Variants in C12orf42 observed in about 807,000 individuals in gnomAD.
C12orf42 encodes the protein uncharacterized protein C12orf42.
C12orf42 carries 25 observed loss-of-function variants against 21.6 expected under a neutral mutation model. That is an observed-to-expected ratio of 1.16 (90% CI 0.84 to 1.62). The LOEUF (loss-of-function observed/expected upper bound fraction) is 1.62, where lower values mean the gene tolerates loss of function less well. Among genes scored for constraint, C12orf42 ranks in the 40% most tolerant of loss-of-function variants. The probability of loss-of-function intolerance (pLI) is 0.00; values close to 1 mark genes in which losing one functional copy is unlikely to be tolerated. For missense variants in C12orf42, 483 were observed against 459.3 expected (o/e 1.05, Z -0.47); for synonymous variants, 174 against 175.0 (o/e 0.99, Z 0.05).
the C12orf42 span, among the ~76,000 whole-genome samples, chr12:103,546,621 G>GA: frequency 4.6e-5 from 7 of 152,060 alleles, no homozygotes; most frequent in South Asian, 1.2e-3. Flanking sequence ...AGTCATTGTA[G>GA]AAAAAAAATG....
At chr12:103,064,413 G>T in the C12orf42 span, among the ~76,000 whole-genome samples, 1 of 152,230 alleles carries the variant, frequency 6.6e-6, no homozygotes, top group Non-Finnish European at 1.5e-5. Flanking sequence ...AGCCTGACCT[G>T]TGTAGAGTTC....
the C12orf42 span, among the ~76,000 whole-genome samples, chr12:103,530,333 C>T: frequency 1.3e-5 from 2 of 152,168 alleles, no homozygotes; most frequent in Admixed American, 6.5e-5. Flanking sequence ...TCTGCAAAGG[C>T]GGTGGCGTGT....
At chr12:103,358,467 A>C (rs1359104292) in intron 4 of C12orf42, among the ~76,000 whole-genome samples, 2 of 151,204 alleles carry the variant, frequency 1.3e-5, no homozygotes, top group African/African-American at 4.9e-5. Flanking sequence ...ATCTCCAAAA[A>C]CCCCCCAGAC....
intron 4 of C12orf42, among the ~76,000 whole-genome samples, chr12:103,314,345 G>A (rs1450772546): frequency 6.6e-6 from 1 of 152,150 alleles, no homozygotes; most frequent in Admixed American, 6.5e-5. Flanking sequence ...CCCAGTGAAA[G>A]GTGATGGCAA....
the C12orf42 span, among the ~76,000 whole-genome samples, chr12:103,100,423 T>G: frequency 6.6e-6 from 1 of 152,216 alleles, no homozygotes; most frequent in African/African-American, 2.4e-5. Flanking sequence ...TCACAACAAC[T>G]GAGCAGAAAC....
intron 2 of C12orf42, among the ~76,000 whole-genome samples, chr12:103,440,610 C>A (rs1293142370): frequency 6.6e-6 from 1 of 152,030 alleles, no homozygotes; most frequent in Non-Finnish European, 1.5e-5. Context: ...TTTATGTGCA[C>A]TACAAATCCA....
At chr12:103,313,560 T>A (rs2039170866) in intron 4 of C12orf42, among the ~76,000 whole-genome samples, 1 of 152,238 alleles carries the variant, frequency 6.6e-6, no homozygotes, top group African/African-American at 2.4e-5. Flanking sequence ...TGCCTCAGTT[T>A]TCCCATTCAT....
chr12:103,193,817 C>T, the C12orf42 span, among the ~76,000 whole-genome samples: 1 of 152,004 alleles, frequency 6.6e-6, no homozygotes, highest in African/African-American at 2.4e-5. Context: ...GGAATACTTC[C>T]AAACTCTTTT....
chr12:103,339,535 A>G (rs578145137), intron 4 of C12orf42, among the ~76,000 whole-genome samples: 2 of 152,386 alleles, frequency 1.3e-5, no homozygotes, highest in South Asian at 2.1e-4. Context: ...GACAAAGGAC[A>G]TGAACAGATA....
the C12orf42 span, among the ~76,000 whole-genome samples, chr12:103,214,448 T>C: frequency 6.6e-6 from 1 of 152,190 alleles, no homozygotes; most frequent in African/African-American, 2.4e-5. Flanking sequence ...ATGCAGTTTC[T>C]ACTGACTGGG....
rs777914047 is a variant in C12orf42, at chr12:103,306,177, A to T, written c.428T>A (p.Ile143Asn). The change falls in exon 5 of 6, where the codon ATT becomes AAT. Residue 143 changes from isoleucine (I) to asparagine (N), a missense_variant. Physicochemically the swap from Ile to Asn is moderately radical, Grantham distance 149 (BLOSUM62 -3). Transcript: ENST00000548883. ...PSSETDEAPL[I>N]FTARGETEER... is the part of the protein sequence containing the mutation. ...CTCAGTTTCTCCTCTGGCAGTAAAA[A>T]TCAATGGGGCCTCATCAGTTTCACT... 30 of 1,613,812 alleles carry T rather than the reference A, an allele frequency of 1.9e-5. No individual in the cohort carries two copies. Among genetic ancestry groups the T allele is most frequent in the Admixed American group, 1.8e-4 (11 of 59,946 alleles).
the C12orf42 span, among the ~76,000 whole-genome samples, chr12:103,555,419 A>C: frequency 6.6e-6 from 1 of 152,066 alleles, no homozygotes; most frequent in Non-Finnish European, 1.5e-5. Context: ...CCCATGATTC[A>C]ATTACCTCCC....
At chr12:103,185,725 G>T in the C12orf42 span, among the ~76,000 whole-genome samples, 3 of 152,250 alleles carry the variant, frequency 2.0e-5, no homozygotes, top group Non-Finnish European at 2.9e-5. Context: ...ATTCTCATGA[G>T]ATCTGATGGT....
chr12:103,416,269 T>C (rs529947992), intron 2 of C12orf42, among the ~76,000 whole-genome samples: 1 of 151,822 alleles, frequency 6.6e-6, no homozygotes, highest in Non-Finnish European at 1.5e-5. Flanking sequence ...TTTCAGTTGA[T>C]TTGGAGAGCT....
chr12:103,072,187 C>T, the C12orf42 span, among the ~76,000 whole-genome samples: 1 of 152,174 alleles, frequency 6.6e-6, no homozygotes, highest in Admixed American at 6.6e-5. Flanking sequence ...AGGCTTTGAA[C>T]ATTTGCTTCT....
chr12:103,118,719 G>A, the C12orf42 span, among the ~76,000 whole-genome samples: 4 of 139,400 alleles, frequency 2.9e-5, no homozygotes, highest in South Asian at 2.3e-4. Context: ...AATGGTGTGA[G>A]CCCGGAAGGC....
the C12orf42 span, among the ~76,000 whole-genome samples, chr12:103,545,260 T>C: frequency 2.6e-5 from 4 of 152,226 alleles, no homozygotes; most frequent in Non-Finnish European, 5.9e-5. Context: ...AGATACCAAC[T>C]CTAGCACGCA....
At chr12:103,371,086 G>A (rs929313399) in intron 3 of C12orf42, among the ~76,000 whole-genome samples, 9 of 152,084 alleles carry the variant, frequency 5.9e-5, no homozygotes, top group Non-Finnish European at 8.8e-5. Flanking sequence ...AATATTATGT[G>A]TTCAGGATAG....
rs139363732 is a variant in C12orf42 at position 103,313,066 on chromosome 12, G to T, written c.260-6721C>A. ...CTGTCTTTTCCTCTCTCTCATGCTT[G>T]TAACTCTAGCATGTTCATGTTATGA... is the stretch of plus-strand genomic sequence containing the variant. On this transcript the variant is annotated intron_variant, in intron 4 of 5. Transcript: ENST00000548883. 2.5e-3 allele frequency among the ~76,000 whole-genome samples: 378 copies of T among 152,176 alleles called. 3 individuals are homozygous for T. The highest frequency in any genetic ancestry group is 8.7e-3 in the African/African-American group (360 of 41,510).
Sources: gnomAD v4.1 joint callset for allele counts (sites outside exome capture counted in the v4.1 genomes callset) on GRCh38, gnomAD v4.1.1 for gene constraint, MANE v1.5 for transcripts, NCBI Gene and HGNC (gene_info 2026-07-23, HGNC 2026-07-21) for gene names.